RIMS1: variants seen among roughly 807,000 people sequenced by gnomAD.
RIMS1 encodes the protein regulating synaptic membrane exocytosis 1.
In RIMS1, 83 loss-of-function variants were observed where a neutral mutation model predicts 214.1. That is an observed-to-expected ratio of 0.39 (90% CI 0.32 to 0.47). The LOEUF is 0.47. Among genes scored for constraint, RIMS1 ranks in the 20% least tolerant of loss-of-function variants. RIMS1 has a pLI of 0.99. For synonymous variants in RIMS1, 793 were observed against 786.8 expected (o/e 1.01, Z -0.13); for missense variants, 2,050 against 2,161.8 (o/e 0.95, Z 1.03).
intron 4 of RIMS1, among the ~76,000 whole-genome samples, chr6:72,101,055 G>T (rs2033446388): frequency 6.6e-6 from 1 of 151,966 alleles, no homozygotes; most frequent in African/African-American, 2.4e-5. Context: ...TACTTTGGAT[G>T]AGTTCACAGT....
At chr6:71,942,348 G>A (rs974586976) in intron 1 of RIMS1, among the ~76,000 whole-genome samples, 4 of 152,070 alleles carry the variant, frequency 2.6e-5, no homozygotes, top group African/African-American at 9.7e-5. Context: ...CATTTAGGTT[G>A]TAAATGACAC....
chr6:71,902,638 T>C (rs772026594), intron 1 of RIMS1, among the ~76,000 whole-genome samples: 2 of 152,050 alleles, frequency 1.3e-5, no homozygotes, highest in Non-Finnish European at 1.5e-5. Flanking sequence ...CTCCTAGATA[T>C]TAAGCTCAGC....
At chr6:72,304,205 T>C (rs2094922082) in intron 26 of RIMS1, among the ~76,000 whole-genome samples, 1 of 151,746 alleles carries the variant, frequency 6.6e-6, no homozygotes, top group African/African-American at 2.4e-5. Context: ...CTATTAACAT[T>C]CAGAATGTTC....
intron 2 of RIMS1, among the ~76,000 whole-genome samples, chr6:72,019,949 C>T (rs1303422382): frequency 6.6e-6 from 1 of 152,172 alleles, no homozygotes; most frequent in African/African-American, 2.4e-5. Context: ...TTTTGCCAAG[C>T]TATACCAGAT....
chr6:72,210,677 C>G (rs964132931), intron 6 of RIMS1, among the ~76,000 whole-genome samples: 29 of 152,146 alleles, frequency 1.9e-4, no homozygotes, highest in African/African-American at 6.5e-4. Flanking sequence ...GTGATATTAG[C>G]TTTGATTATT....
At chr6:72,388,772 T>C (rs1403130697) in intron 29 of RIMS1, among the ~76,000 whole-genome samples, 1 of 152,112 alleles carries the variant, frequency 6.6e-6, no homozygotes, top group East Asian at 1.9e-4. Context: ...ATTACAAGGA[T>C]TTAGGCCTTA....
At chr6:72,095,045 G>A (rs553532675) in intron 2 of RIMS1, among the ~76,000 whole-genome samples, 39 of 151,028 alleles carry the variant, frequency 2.6e-4, no homozygotes, top group Admixed American at 8.6e-4. Context: ...TCTACCTCCC[G>A]GGTTCATGCC....
chr6:72,063,099 T>C (rs1009732449), intron 2 of RIMS1, among the ~76,000 whole-genome samples: 3 of 152,088 alleles, frequency 2.0e-5, no homozygotes, highest in African/African-American at 7.2e-5. Flanking sequence ...AGATGAAGAA[T>C]GAACTTAATT....
chr6:72,267,017 C>A (rs2080907063), intron 22 of RIMS1, among the ~76,000 whole-genome samples: 1 of 152,034 alleles, frequency 6.6e-6, no homozygotes, highest in African/African-American at 2.4e-5. Context: ...TGGAATTGAA[C>A]AATAGGTACA....
chr6:72,202,219 A>G (rs1002341457), intron 6 of RIMS1, among the ~76,000 whole-genome samples: 19 of 152,208 alleles, frequency 1.2e-4, no homozygotes, highest in African/African-American at 4.1e-4. Context: ...AAGGGTTACC[A>G]TAACAGGATA....
At chr6:72,307,469 A>G in intron 27 of RIMS1, 99 bp downstream of exon 27, 1 of 765,308 alleles carries the variant, frequency 1.3e-6, no homozygotes, top group South Asian at 2.2e-5. Context: ...AAGAGAAGTT[A>G]TCATTTGGGC....
intron 1 of RIMS1, among the ~76,000 whole-genome samples, chr6:71,965,765 T>G (rs534639636): frequency 4.9e-4 from 74 of 152,046 alleles, no homozygotes; most frequent in Non-Finnish European, 9.0e-4. Flanking sequence ...ATTAAAGACT[T>G]TGCAAAAAAT....
Position 72,356,095 on chromosome 6 carries a change from T to C in RIMS1, c.4366+22260T>C, listed in dbSNP as rs2097631039. On this transcript the variant is annotated intron_variant, in intron 29 of 33. Coordinates refer to ENST00000521978, the MANE Select transcript of RIMS1 (RefSeq NM_014989.7). ...ATACCCCAAACACAGGTTAACATTA[T>C]ATATCCAGTCAGTTGACACAACAAT... Among the ~76,000 whole-genome samples the C allele has an allele frequency of 2.0e-5, 3 of 152,206 alleles. No individual in the cohort carries two copies. In the South Asian group the frequency reaches 6.2e-4, roughly 31 times the overall value.
intron 4 of RIMS1, among the ~76,000 whole-genome samples, chr6:72,136,206 T>C (rs1283259210): frequency 6.6e-6 from 1 of 152,178 alleles, no homozygotes; most frequent in Non-Finnish European, 1.5e-5. Flanking sequence ...GAGTTAGTCA[T>C]AGATGCTTAA....
At chr6:72,210,720 C>A (rs1177661603) in intron 6 of RIMS1, among the ~76,000 whole-genome samples, 2 of 152,152 alleles carry the variant, frequency 1.3e-5, no homozygotes. Flanking sequence ...TCTGGTGTTG[C>A]CACTGACTTG....
At chr6:72,001,143 T>C (rs557964788) in intron 2 of RIMS1, among the ~76,000 whole-genome samples, 1 of 152,308 alleles carries the variant, frequency 6.6e-6, no homozygotes, top group East Asian at 1.9e-4. Context: ...AGGAGGAAAC[T>C]TGATCTCCTT....
chr6:72,272,422 T>C lies in RIMS1; in HGVS notation c.3399-1927T>C, dbSNP rs537471044. Among the ~76,000 whole-genome samples the C allele has an allele frequency of 1.6e-4, 24 of 152,260 alleles. 1 individual carries two copies. The South Asian group carries it at 4.8e-3, about 30-fold the overall frequency. On this transcript the variant is annotated intron_variant, in intron 22 of 33. Transcript: ENST00000521978. ...TCCTGCTCTCGTTGTATCCACTGTA[T>C]GTGGGAAAAAGCAAACAGATTTATT...
At chr6:72,139,029 TA>T (rs1370603814) in intron 4 of RIMS1, among the ~76,000 whole-genome samples, 2 of 152,170 alleles carry the variant, frequency 1.3e-5, no homozygotes, top group Non-Finnish European at 2.9e-5. Flanking sequence ...AACACAAACA[TA>T]AATGCATATA....
chr6:72,187,498 A>C (rs1413693011), intron 6 of RIMS1, among the ~76,000 whole-genome samples: 1 of 21,378 alleles, frequency 4.7e-5, no homozygotes, highest in African/African-American at 2.4e-4. Context: ...TTTTTTTTGG[A>C]GACAGAGTCT....
Sources: allele counts gnomAD v4.1 joint callset (sites outside exome capture counted in the v4.1 genomes callset), GRCh38; gene constraint gnomAD v4.1.1; transcripts MANE v1.5; gene names NCBI Gene and HGNC (gene_info 2026-07-23, HGNC 2026-07-21).